Variants in PIBF1 observed in about 807,000 individuals in gnomAD.
PIBF1 encodes progesterone-induced-blocking factor 1.
A neutral mutation model predicts 112.5 loss-of-function variants in PIBF1; 90 were observed. That is an observed-to-expected ratio of 0.80 (90% confidence interval 0.67 to 0.95). The LOEUF is 0.95. Ranked by LOEUF, PIBF1 falls within the 40% of genes least tolerant of loss-of-function variation. The pLI is 0.00. For synonymous variants in PIBF1, 301 were observed against 288.6 expected (o/e 1.04, Z -0.44); for missense variants, 915 against 852.3 (o/e 1.07, Z -0.92).
chr13:72,940,125 CCTTT>C (rs1159749115), intron 14 of PIBF1, among the ~76,000 whole-genome samples: 1 of 152,038 alleles, frequency 6.6e-6, no homozygotes. Context: ...CTCTCACCTT[CCTTT>C]GAGGACTTCA....
chr13:72,946,462 T>C (rs772631368), intron 14 of PIBF1, among the ~76,000 whole-genome samples: 12 of 152,152 alleles, frequency 7.9e-5, no homozygotes, highest in Non-Finnish European at 1.3e-4. Context: ...CCAAATCTCA[T>C]GTCCTCATAT....
At chr13:72,998,259 G>A (rs1305484186) in intron 16 of PIBF1, among the ~76,000 whole-genome samples, 2 of 152,188 alleles carry the variant, frequency 1.3e-5, no homozygotes, top group Non-Finnish European at 2.9e-5. Flanking sequence ...AGCTATGCCA[G>A]TGGTTCCCAA....
chr13:72,920,458 A>G (rs1004661442), intron 13 of PIBF1, among the ~76,000 whole-genome samples: 1 of 152,236 alleles, frequency 6.6e-6, no homozygotes, highest in Non-Finnish European at 1.5e-5. Context: ...CAATGGCACT[A>G]AAGATCCCAG....
chr13:72,881,894 C>T (rs1310445919), intron 10 of PIBF1, among the ~76,000 whole-genome samples: 1 of 151,896 alleles, frequency 6.6e-6, no homozygotes, highest in Non-Finnish European at 1.5e-5. Context: ...AATGCAATCC[C>T]TCTTAGTATA....
At chr13:72,935,574 C>T (rs974302484) in intron 14 of PIBF1, among the ~76,000 whole-genome samples, 36 of 152,004 alleles carry the variant, frequency 2.4e-4, no homozygotes, top group African/African-American at 8.2e-4. Flanking sequence ...GTAGACTGGC[C>T]GGATCATATC....
chr13:72,968,296 T>TTGTTC (rs1373591073), intron 15 of PIBF1, among the ~76,000 whole-genome samples: 6 of 151,848 alleles, frequency 4.0e-5, no homozygotes, highest in Non-Finnish European at 8.8e-5. Flanking sequence ...GTTGTTGTTC[T>TTGTTC]TTTTTTTCTT....
chr13:72,798,636 G>A (rs922460197), intron 5 of PIBF1, among the ~76,000 whole-genome samples: 4 of 152,028 alleles, frequency 2.6e-5, no homozygotes, highest in Non-Finnish European at 5.9e-5. Flanking sequence ...ATAGAAGGGT[G>A]GACTAATCAT....
At chr13:72,902,004 A>ATGTGTGTGTGTG (rs1206491287) in intron 11 of PIBF1, among the ~76,000 whole-genome samples, 5 of 31,360 alleles carry the variant, frequency 1.6e-4, no homozygotes, top group South Asian at 1.5e-3. Flanking sequence ...GTGTGTATGT[A>ATGTGTGTGTGTG]TATGTGTGTG....
intron 17 of PIBF1, among the ~76,000 whole-genome samples, chr13:73,002,155 A>G (rs1380847935): frequency 3.9e-5 from 6 of 152,194 alleles, no homozygotes; most frequent in Non-Finnish European, 1.5e-5. Flanking sequence ...TTTGCATAGC[A>G]TCTGAACAAA....
chr13:72,926,039 A>G (rs76611156), intron 13 of PIBF1, among the ~76,000 whole-genome samples: 13,656 of 152,066 alleles, frequency 0.09, 1,701 homozygotes, highest in African/African-American at 0.28. Context: ...TTTTCTTCTA[A>G]AAGTTTATAG....
intron 17 of PIBF1, among the ~76,000 whole-genome samples, chr13:73,007,304 T>C (rs9543199): frequency 6.6e-6 from 1 of 150,618 alleles, no homozygotes; most frequent in African/African-American, 2.4e-5. Flanking sequence ...TTTTTGTTTT[T>C]TTTTTTTTTT....
At chr13:72,853,077 A>G (rs2038244162) in intron 9 of PIBF1, among the ~76,000 whole-genome samples, 1 of 151,672 alleles carries the variant, frequency 6.6e-6, no homozygotes, top group South Asian at 2.1e-4. Flanking sequence ...AAAATAGGTG[A>G]CTATCTGAAA....
intron 16 of PIBF1, among the ~76,000 whole-genome samples, chr13:72,979,650 G>T (rs537758454): frequency 6.6e-6 from 1 of 152,136 alleles, no homozygotes; most frequent in African/African-American, 2.4e-5. Context: ...TTGGCCGGGC[G>T]TGGTGGCTCA....
At position 72,783,468 on chromosome 13, in the gene PIBF1, A is replaced by G. The variant is rs773285765; in HGVS notation, c.-2A>G. On this transcript the variant is annotated 5_prime_UTR_variant, in exon 2 of 18. Transcript: ENST00000326291. ...GAAGAAAACTGATCCATAATAATAAAAATGTCTCGAAAAATTTCAAAGGAG... is the reference window on the plus strand; with the variant it reads ...GAAGAAAACTGATCCATAATAATAAGAATGTCTCGAAAAATTTCAAAGGAG... 4.4e-6 allele frequency: 7 copies of G among 1,578,022 alleles called. No homozygotes were observed. Among genetic ancestry groups the G allele is most frequent in the Non-Finnish European group, 6.1e-6 (7 of 1,154,202 alleles).
At chr13:72,886,719 A>G (rs982528563) in intron 10 of PIBF1, among the ~76,000 whole-genome samples, 2 of 152,090 alleles carry the variant, frequency 1.3e-5, no homozygotes, top group African/African-American at 2.4e-5. Flanking sequence ...TCCATGGTAC[A>G]GTTGTCAAAC....
chr13:72,916,664 A>G (rs1309877691), intron 12 of PIBF1, among the ~76,000 whole-genome samples: 1 of 152,132 alleles, frequency 6.6e-6, no homozygotes, highest in Non-Finnish European at 1.5e-5. Context: ...ATTAAAATAA[A>G]GTTGTTCTGA....
intron 14 of PIBF1, among the ~76,000 whole-genome samples, chr13:72,960,649 C>A (rs963195981): frequency 3.3e-5 from 5 of 152,222 alleles, no homozygotes. Flanking sequence ...CACACACACA[C>A]TTGAACTGTT....
intron 11 of PIBF1, among the ~76,000 whole-genome samples, chr13:72,897,900 A>G (rs188720126): frequency 6.6e-6 from 1 of 152,356 alleles, no homozygotes; most frequent in African/African-American, 2.4e-5. Flanking sequence ...TCTTTAAGAC[A>G]GAAAGTCAAC....
chr13:72,791,767 T>C (rs2034943132), intron 2 of PIBF1, among the ~76,000 whole-genome samples: 1 of 151,846 alleles, frequency 6.6e-6, no homozygotes, highest in African/African-American at 2.4e-5. Flanking sequence ...TGAGTAGCTG[T>C]GACTACAGGC....
Sources: allele counts gnomAD v4.1 joint callset (sites outside exome capture counted in the v4.1 genomes callset), GRCh38; gene constraint gnomAD v4.1.1; transcripts MANE v1.5; gene names NCBI Gene and HGNC (gene_info 2026-07-23, HGNC 2026-07-21).